Variants in POTEC observed in about 807,000 individuals in gnomAD.
POTEC encodes ANKRD26-like family B member 2.
POTEC carries 35 observed loss-of-function variants against 62.0 expected under a neutral mutation model. The ratio of observed to expected loss-of-function variants is 0.56; its 90% CI spans 0.43 to 0.75. The LOEUF (loss-of-function observed/expected upper bound fraction) is 0.75, where lower values mean the gene tolerates loss of function less well. Ranked by LOEUF, POTEC falls within the 30% of genes least tolerant of loss-of-function variation. POTEC has a pLI of 0.00. For synonymous variants in POTEC, 156 were observed against 221.5 expected, an observed-to-expected ratio of 0.70 and a Z score of 2.62; for missense variants, 472 against 655.9, an observed-to-expected ratio of 0.72 and a Z score of 3.06.
intron 7 of POTEC, among the ~76,000 whole-genome samples, chr18:14,524,695 A>G (rs938669608): frequency 3.9e-5 from 6 of 152,144 alleles, no homozygotes; most frequent in Non-Finnish European, 8.8e-5. Flanking sequence ...TTTAAGCTAA[A>G]TATCAAATGT....
In POTEC at chr18:14,542,706, G is replaced by C. The variant is rs1307547537; in HGVS notation, c.441C>G (p.Ala147=). Residue 147 remains alanine (A), a synonymous_variant, in exon 1 of 11, where the codon GCC becomes GCG. Coordinates refer to ENST00000358970, the MANE Select transcript of POTEC (RefSeq NM_001137671.2). ...REDLDKLHRA[A]WWGKVPRKDL... ...CCTTTCTGGGGACCTTACCCCACCA[G>C]GCAGCTCTGTGGAGCTTGTCCAGAT... 3 of 1,613,166 alleles carry C rather than the reference G, an allele frequency of 1.9e-6. No homozygotes were observed. In the East Asian group the frequency reaches 6.7e-5, roughly 36 times the overall value.
intron 9 of POTEC, among the ~76,000 whole-genome samples, chr18:14,514,485 G>A (rs1910097497): frequency 6.6e-6 from 1 of 152,132 alleles, no homozygotes; most frequent in African/African-American, 2.4e-5. Flanking sequence ...TTATTTTTTG[G>A]AAACAGTTTC....
chr18:14,535,583 T>C (rs1240656396), intron 3 of POTEC, among the ~76,000 whole-genome samples: 10 of 151,358 alleles, frequency 6.6e-5, no homozygotes, highest in Non-Finnish European at 1.2e-4. Flanking sequence ...ATAGGATTAC[T>C]GAAACTAAGA....
chr18:14,528,869 C>T (rs1910507038), intron 6 of POTEC: 1 of 445,750 alleles, frequency 2.2e-6, no homozygotes, highest in South Asian at 1.6e-5. Context: ...GTGTCTCACA[C>T]TTTTGGTACT....
chr18:14,520,137 GAATGTTGT>G (rs1910273510), intron 9 of POTEC, among the ~76,000 whole-genome samples: 2 of 152,130 alleles, frequency 1.3e-5, no homozygotes, highest in South Asian at 2.1e-4. Context: ...TCATGGCTGA[GAATGTTGT>G]AATTTTCTTC....
chr18:14,515,394 C>T lies in POTEC; in HGVS notation c.1410-1609G>A, dbSNP rs541952726. ...AGAATAGACAACTCAGAAAAAAGGC[C>T]ACTTACAACCAAATGATCTCTGAGA... On this transcript the variant is annotated intron_variant, in intron 9 of 10. Coordinates refer to ENST00000358970, the MANE Select transcript of POTEC (RefSeq NM_001137671.2). Among the ~76,000 whole-genome samples, 5 of 152,044 alleles carry T rather than the reference C, an allele frequency of 3.3e-5. No individual in the cohort carries two copies. The East Asian group carries it at 7.7e-4, about 24-fold the overall frequency.
At chr18:14,526,978 A>G (rs1910452888) in intron 6 of POTEC, among the ~76,000 whole-genome samples, 1 of 152,160 alleles carries the variant, frequency 6.6e-6, no homozygotes, top group Non-Finnish European at 1.5e-5. Context: ...GAACACTTGG[A>G]AAGTCAATTC....
chr18:14,528,504 T>C (rs1910497828), intron 6 of POTEC, among the ~76,000 whole-genome samples: 1 of 152,056 alleles, frequency 6.6e-6, no homozygotes, highest in African/African-American at 2.4e-5. Context: ...TTCTAAGTTT[T>C]CTCCCTGTTT....
At chr18:14,535,982 A>T (rs1905699381) in intron 3 of POTEC, among the ~76,000 whole-genome samples, 1 of 151,980 alleles carries the variant, frequency 6.6e-6, no homozygotes, top group South Asian at 2.1e-4. Flanking sequence ...GATAAGTCAG[A>T]CTAGGCCAGG....
At chr18:14,521,780 T>A (rs1910315174) in intron 9 of POTEC, among the ~76,000 whole-genome samples, 1 of 152,164 alleles carries the variant, frequency 6.6e-6, no homozygotes, top group South Asian at 2.1e-4. Context: ...ATATTCTTCT[T>A]ACTCATTAGT....
intron 6 of POTEC, among the ~76,000 whole-genome samples, chr18:14,526,775 A>G (rs1910448129): frequency 6.6e-6 from 1 of 152,258 alleles, no homozygotes; most frequent in Admixed American, 6.5e-5. Flanking sequence ...TGAAAGCCTT[A>G]TGTGTACTTT....
chr18:14,510,919 G>C lies in POTEC; in HGVS notation c.*979C>G, dbSNP rs1307295082. 1 of 152,232 alleles carries C rather than the reference G, an allele frequency of 6.6e-6. No individual in the cohort carries two copies. The highest frequency in any genetic ancestry group is 1.5e-5 in the Non-Finnish European group (1 of 68,096). The allele number at this position is 152,232 out of a possible 1,614,324, so 9.4% of individuals were successfully genotyped here. A position where few individuals can be genotyped will look rare whatever the true frequency, so the allele number is the denominator to read the frequency against. On this transcript the variant is annotated 3_prime_UTR_variant, in exon 11 of 11. Coordinates refer to ENST00000358970, the MANE Select transcript of POTEC (RefSeq NM_001137671.2). ...CTGGGAGCTCTGACTCAGGAGGCCT[G>C]AAACCTCTGTGAGCCAGAGAACAGC...
At position 14,518,886 on chromosome 18, in the gene POTEC, G is replaced by A. The variant is rs577272880; in HGVS notation, c.1409+3368C>T. Among the ~76,000 whole-genome samples the A allele has an allele frequency of 5.8e-3, 878 of 151,812 alleles. 16 individuals are homozygous for A. Among genetic ancestry groups the A allele is most frequent in the South Asian group, 0.056 (265 of 4,774 alleles). ...AGATAATTAGGAGGAACTTTGACAT[G>A]TACTCCGAGTGAAATGGGAGATAAT... On this transcript the variant is annotated intron_variant, in intron 9 of 10. Coordinates refer to ENST00000358970, the MANE Select transcript of POTEC (RefSeq NM_001137671.2).
intron 9 of POTEC, among the ~76,000 whole-genome samples, chr18:14,521,549 T>C (rs565727206): frequency 8.5e-5 from 13 of 152,302 alleles, no homozygotes; most frequent in East Asian, 5.8e-4. Flanking sequence ...CATAAGTATA[T>C]ATGTGACAAA....
rs1910398539 is a variant in POTEC, at chr18:14,524,930, C to T, written c.1180G>A (p.Glu394Lys). 6.2e-7 allele frequency: 1 copy of T among 1,605,488 alleles called. No homozygotes were observed. The highest frequency in any genetic ancestry group is 1.3e-5 in the African/African-American group (1 of 74,428). The change falls in exon 7 of 11, where the codon GAA becomes AAA. Residue 394 changes from glutamate (E) to lysine (K), a missense_variant. By Grantham distance (56) the Glu-to-Lys change is moderately conservative. Coordinates refer to ENST00000358970, the MANE Select transcript of POTEC (RefSeq NM_001137671.2). ...TTCCATGCCTCTGGCTGGCTATTTT[C>T]ACTGACTTTAAGCCTTTGTGACTCT... ...EEESQRLKVSENSQPEKMSQE... is the reference protein window; with the variant it reads ...EEESQRLKVSKNSQPEKMSQE...
chr18:14,528,074 G>A (rs557158818), intron 6 of POTEC: 24 of 152,224 alleles, frequency 1.6e-4, no homozygotes, highest in Middle Eastern at 3.4e-3. Flanking sequence ...TATAATCATG[G>A]TGGCTTTCAC....
rs1909951446 is a variant in POTEC at position 14,509,841 on chromosome 18, A to G, written c.*2057T>C. The G allele has an allele frequency of 6.9e-6, 1 of 144,650 alleles. No individual in the cohort carries two copies. Among genetic ancestry groups the G allele is most frequent in the Admixed American group, 6.8e-5 (1 of 14,602 alleles). 9.0% of individuals were successfully genotyped at this position (144,650 alleles called of 1,614,324 possible). On this transcript the variant is annotated 3_prime_UTR_variant, in exon 11 of 11. Coordinates refer to ENST00000358970, the MANE Select transcript of POTEC (RefSeq NM_001137671.2). Reference sequence around the variant, plus strand: ...ATCCTCAGCACAGCACAACTGCTCTACACAAACGTGGCCAGACTTCTTTTT... The same window carrying G: ...ATCCTCAGCACAGCACAACTGCTCTGCACAAACGTGGCCAGACTTCTTTTT...
chr18:14,512,241 G>A (rs562591292), intron 10 of POTEC, among the ~76,000 whole-genome samples: 2,051 of 152,042 alleles, frequency 0.013, 54 homozygotes, highest in African/African-American at 0.047. Flanking sequence ...AATTGGAAAA[G>A]CCTTTCTCTG....
intron 3 of POTEC, among the ~76,000 whole-genome samples, chr18:14,536,015 C>T (rs1438823098): frequency 6.6e-6 from 1 of 151,626 alleles, no homozygotes; most frequent in Non-Finnish European, 1.5e-5. Context: ...CACCTGTAAT[C>T]TTAGCATTTT....
Sources: gnomAD v4.1 joint callset for allele counts (sites outside exome capture counted in the v4.1 genomes callset) on GRCh38, gnomAD v4.1.1 for gene constraint, MANE v1.5 for transcripts, NCBI Gene and HGNC (gene_info 2026-07-23, HGNC 2026-07-21) for gene names.